Variants in STK32C observed in about 807,000 individuals in gnomAD.
STK32C encodes the protein serine/threonine-protein kinase 32C.
A neutral mutation model predicts 56.5 loss-of-function variants in STK32C; 31 were observed. The ratio of observed to expected loss-of-function variants is 0.55; its 90% CI spans 0.41 to 0.74. The LOEUF is 0.74. Ranked by LOEUF, STK32C falls within the 30% of genes least tolerant of loss-of-function variation. STK32C has a pLI of 0.00. For synonymous variants in STK32C, 309 were observed against 289.4 expected (o/e 1.07, Z -0.69); for missense variants, 544 against 676.9 (o/e 0.80, Z 2.18).
chr10:132,275,906 C>G (rs1351283742), intron 1 of STK32C, among the ~76,000 whole-genome samples: 1 of 152,156 alleles, frequency 6.6e-6, no homozygotes, highest in African/African-American at 2.4e-5. Flanking sequence ...GGAGACTGTA[C>G]AGGAAAACCC....
chr10:132,268,558 T>TGTGC (rs1554991579), intron 1 of STK32C, among the ~76,000 whole-genome samples: 5 of 143,044 alleles, frequency 3.5e-5, no homozygotes, highest in African/African-American at 1.3e-4. Flanking sequence ...TGTGTGTGTG[T>TGTGC]GTGCCTGCGT....
chr10:132,299,337 C>G (rs2138356306), intron 1 of STK32C, among the ~76,000 whole-genome samples: 1 of 151,912 alleles, frequency 6.6e-6, no homozygotes, highest in Non-Finnish European at 1.5e-5. Context: ...AACTGAGACC[C>G]CAAGACAAGA....
chr10:132,207,671 G>A lies in STK32C; in HGVS notation c.*339C>T. On this transcript the variant is annotated 3_prime_UTR_variant, in exon 12 of 12. Coordinates refer to ENST00000298630, the MANE Select transcript of STK32C (RefSeq NM_173575.4). Reference sequence around the variant, plus strand: ...GCTGCAAGGGTCACCTTGTGACGAGGGCCGTGCACAGCCTCCGGGCTGAGC... The same window carrying A: ...GCTGCAAGGGTCACCTTGTGACGAGAGCCGTGCACAGCCTCCGGGCTGAGC... 1 of 233,384 alleles carries A rather than the reference G, an allele frequency of 4.3e-6. No homozygotes were observed. Among genetic ancestry groups the A allele is most frequent in the Non-Finnish European group, 8.2e-6 (1 of 121,366 alleles). The allele number at this position is 233,384 out of a possible 1,614,324, so 14.5% of individuals were successfully genotyped here. A position where few individuals can be genotyped will look rare whatever the true frequency, so the allele number is the denominator to read the frequency against.
At chr10:132,289,896 A>C (rs1481479373) in intron 1 of STK32C, among the ~76,000 whole-genome samples, 3 of 152,218 alleles carry the variant, frequency 2.0e-5, no homozygotes, top group Non-Finnish European at 4.4e-5. Flanking sequence ...AATGTTCAAT[A>C]AGCACATGAA....
At chr10:132,311,845 C>T (rs1291926652), upstream of STK32C, among the ~76,000 whole-genome samples, 1 of 152,206 alleles carries the variant, frequency 6.6e-6, no homozygotes, top group East Asian at 1.9e-4. The surrounding 1 kb of genome is among the most constrained non-coding windows in gnomAD (Gnocchi z 4.4). Flanking sequence ...TGCAAAGATC[C>T]TCTTTCCAGA....
intron 1 of STK32C, among the ~76,000 whole-genome samples, chr10:132,290,593 C>T (rs1293685759): frequency 6.6e-6 from 1 of 152,152 alleles, no homozygotes; most frequent in African/African-American, 2.4e-5. Flanking sequence ...GGATGGATTC[C>T]AAGAGACCCC....
At chr10:132,219,313 T>C (rs1252103062) in intron 10 of STK32C, among the ~76,000 whole-genome samples, 1 of 151,998 alleles carries the variant, frequency 6.6e-6, no homozygotes, top group East Asian at 1.9e-4. Flanking sequence ...GAACACCTCC[T>C]ACCCTCAAGC....
At chr10:132,256,630 G>T (rs1051136749) in intron 1 of STK32C, among the ~76,000 whole-genome samples, 1 of 152,126 alleles carries the variant, frequency 6.6e-6, no homozygotes, top group East Asian at 1.9e-4. Context: ...CTGGAGAGGT[G>T]GGCAGCAGCA....
intron 1 of STK32C, among the ~76,000 whole-genome samples, chr10:132,286,125 C>CA (rs540022059): frequency 0.013 from 1,485 of 112,976 alleles, 24 homozygotes; most frequent in African/African-American, 0.031. Flanking sequence ...GACTCTGTCT[C>CA]AAAAAAAAAA....
chr10:132,278,470 T>G (rs1022273521), intron 1 of STK32C, among the ~76,000 whole-genome samples: 1 of 150,560 alleles, frequency 6.6e-6, no homozygotes, highest in Non-Finnish European at 1.5e-5. Context: ...TTTTAAAAAA[T>G]CAAAATACCG....
chr10:132,258,529 T>C (rs1342123087), intron 1 of STK32C, among the ~76,000 whole-genome samples: 1 of 152,176 alleles, frequency 6.6e-6, no homozygotes, highest in Non-Finnish European at 1.5e-5. Context: ...CGCGTTCTCC[T>C]GGAAGGACAG....
chr10:132,312,679 A>G (rs1027608172), upstream of STK32C, among the ~76,000 whole-genome samples: 4 of 152,208 alleles, frequency 2.6e-5, no homozygotes, highest in African/African-American at 9.6e-5. Context: ...ACTAAAATTA[A>G]AACCATAAGC....
chr10:132,310,385 G>C (rs1323167805), upstream of STK32C, among the ~76,000 whole-genome samples: 2 of 152,240 alleles, frequency 1.3e-5, no homozygotes, highest in South Asian at 2.1e-4. The surrounding 1 kb of genome is among the most constrained non-coding windows in gnomAD (Gnocchi z 4.6). Flanking sequence ...TGCAACTCTT[G>C]TACTGTCCAG....
chr10:132,223,702 C>A (rs2062768202), intron 8 of STK32C, among the ~76,000 whole-genome samples: 1 of 152,194 alleles, frequency 6.6e-6, no homozygotes, highest in Non-Finnish European at 1.5e-5. Flanking sequence ...AATTCCAGGG[C>A]AGGAGGCCCC....
chr10:132,259,611 T>A (rs563967536), intron 1 of STK32C, among the ~76,000 whole-genome samples: 157 of 152,342 alleles, frequency 1.0e-3, no homozygotes, highest in Non-Finnish European at 1.5e-3. Flanking sequence ...CATGAGAACG[T>A]GCTGGCCTCC....
At chr10:132,323,929 TATA>T (rs2066452322), downstream of STK32C, 1 of 267,742 alleles carries the variant, frequency 3.7e-6, no homozygotes, top group African/African-American at 2.2e-5. The surrounding 1 kb of genome is among the most constrained non-coding windows in gnomAD (Gnocchi z 4.8). Flanking sequence ...GGCCTCATGT[TATA>T]ATAACCCAAC....
intron 7 of STK32C, 68 bp from the exon 8 acceptor site, chr10:132,224,591 A>G (rs1475351790): frequency 8.3e-7 from 1 of 1,210,534 alleles, no homozygotes; most frequent in Non-Finnish European, 1.2e-6. Flanking sequence ...AATGCCAGAC[A>G]CAGGTGCCAT....
intron 1 of STK32C, among the ~76,000 whole-genome samples, chr10:132,284,522 C>T (rs1276721256): frequency 6.6e-6 from 1 of 152,116 alleles, no homozygotes; most frequent in Non-Finnish European, 1.5e-5. Flanking sequence ...CTCTGAGCAC[C>T]CATGACACCC....
Position 132,225,338 on chromosome 10 carries a change from T to C in STK32C, c.773-2A>G. ...CAAAAGAGTGGAAGATCTCCGGAGC[T>C]TTCCGACAGAAAGAAGGAAAAACAG... On this transcript the variant is annotated splice_acceptor_variant, in intron 6 of 11. Transcript: ENST00000298630. LOFTEE classifies it high-confidence loss of function. 1 of 1,606,932 alleles carries C rather than the reference T, an allele frequency of 6.2e-7. No homozygotes were observed. The highest frequency in any genetic ancestry group is 8.5e-7 in the Non-Finnish European group (1 of 1,177,164).
Sources: gnomAD v4.1 joint callset for allele counts (sites outside exome capture counted in the v4.1 genomes callset) on GRCh38, gnomAD v4.1.1 for gene constraint, Gnocchi (gnomAD v3.1) non-coding constraint, MANE v1.5 for transcripts, NCBI Gene and HGNC (gene_info 2026-07-23, HGNC 2026-07-21) for gene names.